Variants in SRPK2 observed in about 807,000 individuals in gnomAD.
The protein encoded by SRPK2 is SFRS protein kinase 2.
In SRPK2, 21 loss-of-function variants were observed where a neutral mutation model predicts 90.8. The ratio of observed to expected loss-of-function variants is 0.23; its 90% CI spans 0.16 to 0.33. The LOEUF is 0.33. Among genes scored for constraint, SRPK2 ranks in the 10% least tolerant of loss-of-function variants. The probability of loss-of-function intolerance (pLI) is 1.00; values close to 1 mark genes in which losing one functional copy is unlikely to be tolerated. For synonymous variants in SRPK2, 288 were observed against 311.1 expected (o/e 0.93, Z 0.78); for missense variants, 620 against 869.0 (o/e 0.71, Z 3.60).
intron 2 of SRPK2, among the ~76,000 whole-genome samples, chr7:105,370,580 T>C (rs955314392): frequency 2.0e-5 from 3 of 151,868 alleles, no homozygotes; most frequent in African/African-American, 2.4e-5. Flanking sequence ...ACTCTGGAAC[T>C]GACAAGCCAA....
At chr7:105,253,021 G>A (rs1802696126) in intron 2 of SRPK2, among the ~76,000 whole-genome samples, 1 of 152,158 alleles carries the variant, frequency 6.6e-6, no homozygotes, top group African/African-American at 2.4e-5. Flanking sequence ...GGGATTACAG[G>A]CGTGAGCCAC....
At chr7:105,278,799 G>A (rs1308295655) in intron 2 of SRPK2, among the ~76,000 whole-genome samples, 1 of 151,916 alleles carries the variant, frequency 6.6e-6, no homozygotes, top group Non-Finnish European at 1.5e-5. Flanking sequence ...GCGAAGGAAA[G>A]GAGAGAGAGA....
intron 3 of SRPK2, among the ~76,000 whole-genome samples, chr7:105,180,769 G>GA (rs1208947106): frequency 6.6e-6 from 1 of 151,880 alleles, no homozygotes; most frequent in Non-Finnish European, 1.5e-5. Context: ...ACAACAACAA[G>GA]AAAAAATAAA....
At chr7:105,355,181 G>A (rs531336330) in intron 2 of SRPK2, among the ~76,000 whole-genome samples, 1 of 152,116 alleles carries the variant, frequency 6.6e-6, no homozygotes, top group African/African-American at 2.4e-5. Context: ...GATCAACAAT[G>A]TTGCTCTTTC....
At chr7:105,342,197 G>A (rs2131899776) in intron 2 of SRPK2, among the ~76,000 whole-genome samples, 1 of 151,816 alleles carries the variant, frequency 6.6e-6, no homozygotes, top group East Asian at 1.9e-4. Context: ...GGTGGCACAT[G>A]CCTGTAATCC....
chr7:105,132,783 G>A lies in SRPK2; in HGVS notation c.1752+8C>T, dbSNP rs377721911. The A allele has an allele frequency of 1.7e-5, 27 of 1,600,126 alleles. No homozygotes were observed. Among genetic ancestry groups the A allele is most frequent in the Admixed American group, 3.4e-5 (2 of 58,772 alleles). ...TCCCATGGCAGCAAAGGGCACAGCC[G>A]TCCTTACCATACACGCCGTGCTCCA... On this transcript the variant is annotated splice_region_variant and intron_variant, in intron 13 of 15. Transcript: ENST00000393651.
intron 3 of SRPK2, chr7:105,189,535 G>A (rs1390416606): frequency 6.6e-6 from 1 of 152,666 alleles, no homozygotes. Flanking sequence ...ACTTTGGGAG[G>A]CTGAGGTGGG....
chr7:105,156,420 T>C (rs1419384903), intron 7 of SRPK2, among the ~76,000 whole-genome samples: 2 of 152,244 alleles, frequency 1.3e-5, no homozygotes, highest in East Asian at 1.9e-4. Context: ...TAGTAAGCAC[T>C]GAATTAACTA....
chr7:105,361,066 C>A (rs542258848), intron 2 of SRPK2, among the ~76,000 whole-genome samples: 1 of 152,132 alleles, frequency 6.6e-6, no homozygotes, highest in Non-Finnish European at 1.5e-5. Context: ...ACATGATTGT[C>A]TATTTAGAAA....
At chr7:105,389,004 C>A (rs1279451997), upstream of SRPK2, 7 of 1,006,026 alleles carry the variant, frequency 7.0e-6, no homozygotes, top group Non-Finnish European at 7.1e-6. Flanking sequence ...CGCCCCCACC[C>A]GCCGGCCCCG....
At chr7:105,380,216 C>T (rs1820781431) in intron 2 of SRPK2, among the ~76,000 whole-genome samples, 2 of 152,190 alleles carry the variant, frequency 1.3e-5, no homozygotes, top group Non-Finnish European at 2.9e-5. Flanking sequence ...AAAGCAACCT[C>T]TATCTCCCGT....
At position 105,330,218 on chromosome 7, in the gene SRPK2, T is replaced by C. The variant is rs569432527; in HGVS notation, c.71+58430A>G. On this transcript the variant is annotated intron_variant, in intron 2 of 15. Transcript: ENST00000393651. ...AGCCAGGCGTGGTGGCGGGTGCCCGTAGTCCCAGCTACTCAGGAGGCTGAG... is the reference window on the plus strand; with the variant it reads ...AGCCAGGCGTGGTGGCGGGTGCCCGCAGTCCCAGCTACTCAGGAGGCTGAG... Among the ~76,000 whole-genome samples the C allele has an allele frequency of 3.3e-5, 5 of 151,860 alleles. No homozygotes were observed. The South Asian group carries it at 6.2e-4, about 19-fold the overall frequency.
At chr7:105,230,571 T>C (rs1453853096) in intron 2 of SRPK2, among the ~76,000 whole-genome samples, 5 of 152,184 alleles carry the variant, frequency 3.3e-5, no homozygotes, top group African/African-American at 1.2e-4. Flanking sequence ...AGATTTCTTT[T>C]CCTATAAAGG....
intron 2 of SRPK2, among the ~76,000 whole-genome samples, chr7:105,388,158 G>A (rs1228571239): frequency 2.0e-5 from 3 of 152,110 alleles, no homozygotes; most frequent in Admixed American, 6.5e-5. Flanking sequence ...GGGCCGGGGA[G>A]GAAGGGGAGG....
chr7:105,235,083 T>A (rs1799959683), intron 2 of SRPK2, among the ~76,000 whole-genome samples: 1 of 151,440 alleles, frequency 6.6e-6, no homozygotes, highest in African/African-American at 2.4e-5. Context: ...CTTCTTCCAA[T>A]GTGGCCCAGA....
rs576365690 is a variant in SRPK2, at chr7:105,301,802, C to G, written c.71+86846G>C. ...AAGCAGTAGAAGCTAATCTTGGAAC[C>G]GCTATGACCTGTACATTGTTTGAAT... On this transcript the variant is annotated intron_variant, in intron 2 of 15. Transcript: ENST00000393651. 1.7e-5 allele frequency: 27 copies of G among 1,562,326 alleles called. No individual in the cohort carries two copies. The East Asian group carries it at 4.9e-4, about 29-fold the overall frequency.
intron 4 of SRPK2, among the ~76,000 whole-genome samples, chr7:105,168,908 A>G (rs1331919815): frequency 1.3e-5 from 2 of 152,108 alleles, no homozygotes; most frequent in Non-Finnish European, 2.9e-5. Context: ...AAAATAATAT[A>G]ATCCCAGTGT....
intron 2 of SRPK2, among the ~76,000 whole-genome samples, chr7:105,294,020 C>A (rs937600597): frequency 2.0e-5 from 3 of 152,146 alleles, no homozygotes; most frequent in African/African-American, 7.2e-5. Flanking sequence ...CACACCTAAT[C>A]CAATCCCTCG....
At chr7:105,192,404 G>A (rs900401555) in intron 3 of SRPK2, among the ~76,000 whole-genome samples, 12 of 152,094 alleles carry the variant, frequency 7.9e-5, no homozygotes, top group Non-Finnish European at 1.3e-4. Context: ...TTATGGTTGA[G>A]AAGTACTCCA....
Sources: gnomAD v4.1 joint callset for allele counts (sites outside exome capture counted in the v4.1 genomes callset) on GRCh38, gnomAD v4.1.1 for gene constraint, MANE v1.5 for transcripts, NCBI Gene and HGNC (gene_info 2026-07-23, HGNC 2026-07-21) for gene names.